LRRFIP1: variants seen among roughly 807,000 people sequenced by gnomAD.
The protein encoded by LRRFIP1 is leucine-rich repeat flightless-interacting protein 1.
A neutral mutation model predicts 104.4 loss-of-function variants in LRRFIP1; 62 were observed. The ratio of observed to expected loss-of-function variants is 0.59; its 90% confidence interval spans 0.48 to 0.73. The LOEUF (loss-of-function observed/expected upper bound fraction) is 0.73, where lower values mean the gene tolerates loss of function less well. Among genes scored for constraint, LRRFIP1 ranks in the 30% least tolerant of loss-of-function variants. The probability of loss-of-function intolerance (pLI) is 0.00; values close to 1 mark genes in which losing one functional copy is unlikely to be tolerated. For synonymous variants in LRRFIP1, 300 were observed against 299.0 expected (o/e 1.00, Z -0.03); for missense variants, 796 against 824.5 (o/e 0.97, Z 0.42).
chr2:237,734,005 C>A (rs3769079), intron 9 of LRRFIP1, among the ~76,000 whole-genome samples, 187 bp downstream of exon 9: 3,957 of 152,308 alleles, frequency 0.026, 88 homozygotes, highest in South Asian at 0.11. Flanking sequence ...TTTCTCTCCC[C>A]CGATTGTTGA....
At chr2:237,719,454 A>G (rs1559660808) in intron 4 of LRRFIP1, 69 bp from the exon 5 acceptor site, 1 of 1,094,942 alleles carries the variant, frequency 9.1e-7, no homozygotes, top group East Asian at 2.4e-5. Flanking sequence ...GGACTACCTA[A>G]GCTTTTTTAA....
intron 1 of LRRFIP1, among the ~76,000 whole-genome samples, chr2:237,658,678 G>A (rs566482195): frequency 6.6e-6 from 1 of 152,318 alleles, no homozygotes; most frequent in South Asian, 2.1e-4. Context: ...AAGGCGGCAG[G>A]AAGGAGGAGT....
At chr2:237,715,520 A>C (rs1048073392) in intron 3 of LRRFIP1, among the ~76,000 whole-genome samples, 2 of 152,150 alleles carry the variant, frequency 1.3e-5, no homozygotes, top group African/African-American at 4.8e-5. Flanking sequence ...ACATTGTGAG[A>C]ACTTTGTCAG....
intron 19 of LRRFIP1, chr2:237,763,612 A>G: frequency 9.9e-6 from 16 of 1,613,842 alleles, no homozygotes; most frequent in Non-Finnish European, 1.4e-5. Context: ...CAAAACAGAA[A>G]ATTGCAGCAG....
At chr2:237,708,652 T>G in intron 2 of LRRFIP1, 22 bp downstream of exon 2, 1 of 1,582,812 alleles carries the variant, frequency 6.3e-7, no homozygotes, top group South Asian at 1.1e-5. Flanking sequence ...GGCTCCTTGT[T>G]GGGTCTTTTC....
chr2:237,772,005 G>C, intron 20 of LRRFIP1, 76 bp from the exon 21 acceptor site: 1 of 991,650 alleles, frequency 1.0e-6, no homozygotes, highest in Non-Finnish European at 1.6e-6. Context: ...CTTCCTTTCT[G>C]ATGGGCTCTA....
chr2:237,635,828 G>T (rs1202548319), intron 1 of LRRFIP1, among the ~76,000 whole-genome samples: 2 of 152,054 alleles, frequency 1.3e-5, no homozygotes, highest in African/African-American at 2.4e-5. Flanking sequence ...AGTGGGTGTG[G>T]TGGCTCATAC....
intron 1 of LRRFIP1, among the ~76,000 whole-genome samples, chr2:237,668,800 T>C (rs1449833317): frequency 6.6e-6 from 1 of 152,212 alleles, no homozygotes; most frequent in Non-Finnish European, 1.5e-5. Flanking sequence ...AGAAAATATT[T>C]ATTATATTAA....
chr2:237,662,039 G>C (rs547515460), intron 1 of LRRFIP1, among the ~76,000 whole-genome samples: 6 of 152,310 alleles, frequency 3.9e-5, no homozygotes, highest in Non-Finnish European at 7.4e-5. Flanking sequence ...CACAGTTCCG[G>C]AGACCGGAAG....
At chr2:237,727,798 G>A (rs1013458301) in intron 7 of LRRFIP1, 78 bp from the exon 8 acceptor site, 3 of 1,026,588 alleles carry the variant, frequency 2.9e-6, no homozygotes, top group African/African-American at 3.2e-5. Flanking sequence ...ATACCTGGCT[G>A]GTTGGTCCCT....
chr2:237,742,768 C>T (rs2057291494), intron 11 of LRRFIP1, among the ~76,000 whole-genome samples: 1 of 152,272 alleles, frequency 6.6e-6, no homozygotes, highest in Admixed American at 6.5e-5. Flanking sequence ...GGTCCTTCTG[C>T]CTGGGAGGGA....
intron 1 of LRRFIP1, among the ~76,000 whole-genome samples, chr2:237,690,972 C>G (rs2092717034): frequency 6.6e-6 from 1 of 151,758 alleles, no homozygotes; most frequent in African/African-American, 2.4e-5. Context: ...CTCCCCTATC[C>G]CTCCCAAGTC....
intron 1 of LRRFIP1, among the ~76,000 whole-genome samples, chr2:237,632,603 C>G (rs796515714): frequency 7.2e-5 from 11 of 152,340 alleles, no homozygotes; most frequent in African/African-American, 2.6e-4. Flanking sequence ...CCAAATAGCC[C>G]TCCTATATCA....
intron 11 of LRRFIP1, 150 bp from the exon 12 acceptor site, chr2:237,748,214 G>T: frequency 1.5e-6 from 1 of 680,158 alleles, no homozygotes; most frequent in Non-Finnish European, 2.6e-6. Context: ...AGTGTGAAAA[G>T]CTAAATTTGG....
In LRRFIP1 at chr2:237,749,337, C is replaced by T. The variant is rs2058283075; in HGVS notation, c.795+13C>T. The T allele has an allele frequency of 6.2e-7, 1 of 1,612,734 alleles. No individual in the cohort carries two copies. The highest frequency in any genetic ancestry group is 8.5e-7 in the Non-Finnish European group (1 of 1,179,788). On this transcript the variant is annotated intron_variant, in intron 13 of 23. Transcript: ENST00000308482. ...CAGGGAAATCAAGGTGAGATGCTCT[C>T]TTCTTACTGACAACTTGAGAGAACC... is the stretch of plus-strand genomic sequence containing the variant.
At position 237,627,779 on chromosome 2, in the gene LRRFIP1, G is replaced by C. The variant is rs1574958197; in HGVS notation, c.96+39G>C. On this transcript the variant is annotated intron_variant, in intron 1 of 23. Transcript: ENST00000308482. ...GAGGGCAGCCGGGGGGCGCCGGGCG[G>C]GCGCGGGGGCCGGACGGCTGTCAGG... The C allele has an allele frequency of 1.4e-5, 16 of 1,172,180 alleles. No homozygotes were observed. In the East Asian group the frequency reaches 5.6e-4, roughly 41 times the overall value. The allele number at this position is 1,172,180 out of a possible 1,614,324, so 72.6% of individuals were successfully genotyped here.
chr2:237,722,313 G>A (rs563685860), intron 6 of LRRFIP1, among the ~76,000 whole-genome samples: 1 of 152,234 alleles, frequency 6.6e-6, no homozygotes, highest in East Asian at 1.9e-4. Context: ...GAAATTGTAG[G>A]CACAATTTCA....
intron 8 of LRRFIP1, among the ~76,000 whole-genome samples, chr2:237,730,677 G>T (rs768507304): frequency 6.6e-6 from 1 of 152,234 alleles, no homozygotes. Flanking sequence ...CCAGCACTTC[G>T]GGAGGCCGAG....
At chr2:237,720,851 T>A in intron 6 of LRRFIP1, 29 bp downstream of exon 6, 1 of 1,607,806 alleles carries the variant, frequency 6.2e-7, no homozygotes, top group Non-Finnish European at 8.5e-7. Flanking sequence ...GGAGTTTGCA[T>A]GGCACAGTTT....
Sources: gnomAD v4.1 joint callset for allele counts (sites outside exome capture counted in the v4.1 genomes callset) on GRCh38, gnomAD v4.1.1 for gene constraint, MANE v1.5 for transcripts, NCBI Gene and HGNC (gene_info 2026-07-23, HGNC 2026-07-21) for gene names.